Variants in C12orf76 observed in about 807,000 individuals in gnomAD.
C12orf76 encodes the protein chromosome 12 open reading frame 76, also known as uncharacterized protein C12orf76.
A neutral mutation model predicts 6.8 loss-of-function variants in C12orf76; 6 were observed. The observed-to-expected ratio is 0.88, with a 90% CI of 0.48 to 1.73. The LOEUF (loss-of-function observed/expected upper bound fraction) is 1.73, where lower values mean the gene tolerates loss of function less well. Ranked by LOEUF, C12orf76 falls within the 40% of genes most tolerant of loss-of-function variation. The probability of loss-of-function intolerance (pLI) is 0.01; values close to 1 mark genes in which losing one functional copy is unlikely to be tolerated. For missense variants in C12orf76, 99 were observed against 98.2 expected, an observed-to-expected ratio of 1.01 and a Z score of -0.03; for synonymous variants, 56 against 43.7, an observed-to-expected ratio of 1.28 and a Z score of -1.11.
upstream of C12orf76, among the ~76,000 whole-genome samples, chr12:110,070,230 C>G (rs1353128959): frequency 6.7e-6 from 1 of 148,288 alleles, no homozygotes; most frequent in African/African-American, 2.5e-5. Context: ...AGAGTAAGAC[C>G]CCATTTCAAA....
In C12orf76 at chr12:110,042,956, G is replaced by GAGCTACTC. The variant is rs1015834725; in HGVS notation, c.134-505_134-498dup. 9.2e-5 allele frequency among the ~76,000 whole-genome samples: 14 copies of GAGCTACTC among 151,968 alleles called. No individual in the cohort carries two copies. In the East Asian group the frequency reaches 2.7e-3, roughly 29 times the overall value. ...GCCAGCTACTCAGGAGGCTACTCCTGAGCTACTCAGCTACTCAGGAGGCTG... is the reference window on the plus strand; with the variant it reads ...GCCAGCTACTCAGGAGGCTACTCCTGAGCTACTCAGCTACTCAGCTACTCAGGAGGCTG... On this transcript the variant is annotated intron_variant, in intron 1 of 1. Transcript: ENST00000615315.
At chr12:110,048,751 C>T (rs1892520396), upstream of C12orf76, 2 of 977,034 alleles carry the variant, frequency 2.0e-6, no homozygotes, top group Middle Eastern at 4.0e-4. Flanking sequence ...CCGCGATTAC[C>T]GTTCTGCTGT....
intron 1 of C12orf76, among the ~76,000 whole-genome samples, chr12:110,066,742 C>A (rs1280669901): frequency 6.6e-6 from 1 of 152,036 alleles, no homozygotes; most frequent in Non-Finnish European, 1.5e-5. Context: ...GTTGGATTTG[C>A]TCCTCCTGGT....
chr12:110,048,622 T>C (rs965044292), upstream of C12orf76: 6 of 1,307,336 alleles, frequency 4.6e-6, no homozygotes, highest in Middle Eastern at 2.9e-4. Context: ...TAACTGTGCG[T>C]CCTGGTCTAA....
chr12:110,069,315 C>T (rs1423283742), upstream of C12orf76, among the ~76,000 whole-genome samples: 1 of 152,154 alleles, frequency 6.6e-6, no homozygotes, highest in Non-Finnish European at 1.5e-5. Flanking sequence ...TGGCGGGCGC[C>T]TGTAGTCCCA....
chr12:110,054,997 CA>C lies in C12orf76; in HGVS notation n.664+2191del, dbSNP rs1285411779. Among the ~76,000 whole-genome samples the C allele has an allele frequency of 1.3e-5, 2 of 151,952 alleles. No individual in the cohort carries two copies. Among genetic ancestry groups the C allele is most frequent in the African/African-American group, 2.4e-5 (1 of 41,376 alleles). Reference sequence around the variant, plus strand: ...GCAGGGTGTTTATAAAGGGAAAGGTCAGAGAATGAGATGAAGGATGAGTTTG... The same window carrying C: ...GCAGGGTGTTTATAAAGGGAAAGGTCGAGAATGAGATGAAGGATGAGTTTG... On this transcript the variant is annotated intron_variant and non_coding_transcript_variant, in intron 4 of 4. Transcript: ENST00000309050. This position sits in a 1 kb window ranked among gnomAD's most constrained non-coding sequence, Gnocchi z 4.4.
chr12:110,050,967 TG>T (rs1892564461), upstream of C12orf76: 1 of 736,312 alleles, frequency 1.4e-6, no homozygotes, highest in African/African-American at 1.7e-5. Flanking sequence ...GGGTAAGTGT[TG>T]GGGTCCGTTA....
At chr12:110,070,283 G>A (rs982363806), upstream of C12orf76, among the ~76,000 whole-genome samples, 1 of 151,224 alleles carries the variant, frequency 6.6e-6, no homozygotes, top group Non-Finnish European at 1.5e-5. Context: ...GAAATTGTAG[G>A]TCAGGAACGG....
rs913694423 is a variant in C12orf76, at chr12:110,054,668, G to A, written n.664+2521C>T. ...TCTGAAATGCCACTGAACTGTTCAT[G>A]TTTACAGTGGTTAATTTTGTGTTAT... On this transcript the variant is annotated intron_variant and non_coding_transcript_variant, in intron 4 of 4. Transcript: ENST00000309050. This position sits in a 1 kb window ranked among gnomAD's most constrained non-coding sequence, Gnocchi z 4.4. 2.0e-5 allele frequency among the ~76,000 whole-genome samples: 3 copies of A among 152,156 alleles called. No individual in the cohort carries two copies. The highest frequency in any genetic ancestry group is 7.2e-5 in the African/African-American group (3 of 41,426).
At chr12:110,070,303 C>T (rs1381845048), upstream of C12orf76, among the ~76,000 whole-genome samples, 1 of 143,562 alleles carries the variant, frequency 7.0e-6, no homozygotes, top group Admixed American at 6.9e-5. Context: ...GTGGTTCACA[C>T]CTATAATCCC....
upstream of C12orf76, chr12:110,049,583 T>G (rs1038357520): frequency 6.6e-6 from 1 of 152,122 alleles, no homozygotes; most frequent in African/African-American, 2.4e-5. Context: ...CAAAGTACCT[T>G]AAGGGTGGGG....
intron 1 of C12orf76, among the ~76,000 whole-genome samples, chr12:110,046,277 T>C (rs550680603): frequency 3.9e-5 from 6 of 152,184 alleles, no homozygotes; most frequent in Non-Finnish European, 5.9e-5. Flanking sequence ...AATACAAAAA[T>C]TACCTGGGCG....
intron 2 of C12orf76, among the ~76,000 whole-genome samples, chr12:110,062,021 T>C (rs956165238): frequency 6.6e-6 from 1 of 151,260 alleles, no homozygotes; most frequent in African/African-American, 2.4e-5. Context: ...CCCAGCACTT[T>C]GGGAGGCCGA....
chr12:110,070,660 T>C (rs1012886526), upstream of C12orf76, among the ~76,000 whole-genome samples: 1 of 152,256 alleles, frequency 6.6e-6, no homozygotes, highest in African/African-American at 2.4e-5. Context: ...TTATGACATG[T>C]AATCCCTGTA....
intron 3 of C12orf76, among the ~76,000 whole-genome samples, chr12:110,058,065 C>CAAAAAAAAAAAA (rs59838926): frequency 3.8e-5 from 2 of 52,670 alleles, no homozygotes; most frequent in African/African-American, 6.7e-5. Flanking sequence ...GACTCGGTCT[C>CAAAAAAAAAAAA]AAAAAAAAAA....
intron 2 of C12orf76, among the ~76,000 whole-genome samples, chr12:110,063,466 T>C (rs1218558427): frequency 6.7e-6 from 1 of 150,334 alleles, no homozygotes; most frequent in Non-Finnish European, 1.5e-5. Flanking sequence ...TATTTTTTTT[T>C]TTTAGTAGAG....
At chr12:110,057,874 C>T (rs763994526) in intron 3 of C12orf76, among the ~76,000 whole-genome samples, 6 of 151,370 alleles carry the variant, frequency 4.0e-5, no homozygotes, top group South Asian at 2.1e-4. Flanking sequence ...GACCAGCTTG[C>T]CCAACATGGC....
chr12:110,048,540 C>A, upstream of C12orf76: 10 of 1,374,150 alleles, frequency 7.3e-6, no homozygotes, highest in Non-Finnish European at 9.4e-6. Context: ...CCGTCGCAAG[C>A]CCTGCCTCTG....
intron 2 of C12orf76, among the ~76,000 whole-genome samples, chr12:110,063,602 T>TTTA (rs1892813114): frequency 3.6e-5 from 5 of 138,764 alleles, no homozygotes; most frequent in Middle Eastern, 3.5e-3. Flanking sequence ...GGATTTTTAT[T>TTTA]TTTATTTATT....
Sources: allele counts gnomAD v4.1 joint callset (sites outside exome capture counted in the v4.1 genomes callset), GRCh38; gene constraint gnomAD v4.1.1; non-coding constraint Gnocchi (gnomAD v3.1); transcripts MANE v1.5; gene names NCBI Gene and HGNC (gene_info 2026-07-23, HGNC 2026-07-21).